Variants in PRSS12 observed in about 807,000 individuals in gnomAD.
The protein encoded by PRSS12 is serine protease 12.
PRSS12 carries 85 observed loss-of-function variants against 104.4 expected under a neutral mutation model. The ratio of observed to expected loss-of-function variants is 0.81; its 90% CI spans 0.68 to 0.98. The LOEUF is 0.98. Ranked by LOEUF, PRSS12 falls within the 50% of genes least tolerant of loss-of-function variation. PRSS12 has a pLI of 0.00. For synonymous variants in PRSS12, 454 were observed against 425.2 expected (o/e 1.07, Z -0.83); for missense variants, 1,141 against 1,139.2 (o/e 1.00, Z -0.02).
At chr4:118,305,114 T>C (rs1743510705) in intron 8 of PRSS12, among the ~76,000 whole-genome samples, 1 of 148,498 alleles carries the variant, frequency 6.7e-6, no homozygotes, top group Non-Finnish European at 1.5e-5. Flanking sequence ...TATATATATA[T>C]ATATATACAC....
chr4:118,320,235 CT>C (rs1245905150), intron 4 of PRSS12, among the ~76,000 whole-genome samples: 1 of 151,924 alleles, frequency 6.6e-6, no homozygotes, highest in Admixed American at 6.6e-5. Context: ...TTTAGCTGCT[CT>C]TTTCTTATAA....
chr4:118,329,928 C>A (rs1723874677), intron 4 of PRSS12, among the ~76,000 whole-genome samples: 1 of 152,138 alleles, frequency 6.6e-6, no homozygotes. Flanking sequence ...GAGAAAATTG[C>A]TCGTGAAATT....
chr4:118,318,661 T>A, intron 4 of PRSS12, 105 bp from the exon 5 acceptor site: 1 of 1,122,700 alleles, frequency 8.9e-7, no homozygotes, highest in Non-Finnish European at 1.3e-6. Flanking sequence ...CCCCACTTAT[T>A]AATTCACTTC....
At chr4:118,306,835 T>G (rs917092508) in intron 8 of PRSS12, among the ~76,000 whole-genome samples, 1 of 152,204 alleles carries the variant, frequency 6.6e-6, no homozygotes, top group Non-Finnish European at 1.5e-5. Context: ...TGAATATGCC[T>G]AGAAAATTTT....
At chr4:118,303,200 G>A (rs907510570) in intron 8 of PRSS12, 12 of 151,354 alleles carry the variant, frequency 7.9e-5, no homozygotes, top group Admixed American at 2.0e-4. Flanking sequence ...AGACCACTGA[G>A]AAAAGATGAA....
intron 7 of PRSS12, 37 bp downstream of exon 7, chr4:118,313,164 G>A (rs1295621844): frequency 2.5e-6 from 4 of 1,607,900 alleles, no homozygotes; most frequent in Non-Finnish European, 3.4e-6. Context: ...AATGGCTACT[G>A]AATGATGGAA....
At chr4:118,342,060 T>C (rs1724227052) in intron 1 of PRSS12, among the ~76,000 whole-genome samples, 1 of 152,162 alleles carries the variant, frequency 6.6e-6, no homozygotes, top group African/African-American at 2.4e-5. Context: ...GCTCCTATAG[T>C]TGACGCAAAT....
intron 3 of PRSS12, among the ~76,000 whole-genome samples, chr4:118,333,635 A>AT (rs982738562): frequency 6.6e-6 from 1 of 152,166 alleles, no homozygotes; most frequent in African/African-American, 2.4e-5. Flanking sequence ...TTCTTAATAT[A>AT]TTTTTCCCCA....
chr4:118,285,350 T>G (rs899235664), intron 11 of PRSS12, among the ~76,000 whole-genome samples: 10 of 152,344 alleles, frequency 6.6e-5, no homozygotes, highest in Middle Eastern at 3.4e-3. Flanking sequence ...TTATTTTCAC[T>G]TCTACTTTCT....
At chr4:118,331,663 T>C (rs1351082177) in intron 4 of PRSS12, 53 bp downstream of exon 4, 2 of 1,610,224 alleles carry the variant, frequency 1.2e-6, no homozygotes, top group East Asian at 2.2e-5. Context: ...CCTTTGGGTA[T>C]GGAAATAATA....
chr4:118,331,608 T>C, intron 4 of PRSS12, 108 bp downstream of exon 4: 1 of 1,437,048 alleles, frequency 7.0e-7, no homozygotes, highest in Non-Finnish European at 9.6e-7. Context: ...AGGTAACTTG[T>C]CCCATTTGTT....
At chr4:118,346,400 TTA>T (rs1724355231) in intron 1 of PRSS12, among the ~76,000 whole-genome samples, 1 of 151,672 alleles carries the variant, frequency 6.6e-6, no homozygotes, top group South Asian at 2.1e-4. Context: ...TCATAATGTA[TTA>T]TATATAAATT....
rs537429145 is a variant in PRSS12 at position 118,298,024 on chromosome 4, G to A, written c.1837+709C>T. Reference sequence around the variant, plus strand: ...GTGGTGGCAGGCGCCTGTAATCCCAGCTACTCGGGAGGCTGAGGCAGGAGA... The same window carrying A: ...GTGGTGGCAGGCGCCTGTAATCCCAACTACTCGGGAGGCTGAGGCAGGAGA... On this transcript the variant is annotated intron_variant, in intron 9 of 12. Transcript: ENST00000296498. Among the ~76,000 whole-genome samples the A allele has an allele frequency of 9.9e-5, 15 of 151,872 alleles. No individual in the cohort carries two copies. In the East Asian group the frequency reaches 2.9e-3, roughly 30 times the overall value.
rs1742933248 is a variant in PRSS12 at position 118,283,197 on chromosome 4, T to C, written c.2040-86A>G. 4.0e-6 allele frequency: 6 copies of C among 1,509,648 alleles called. No homozygotes were observed. In the Admixed American group the frequency reaches 5.0e-5, roughly 13 times the overall value. The allele number at this position is 1,509,648 out of a possible 1,614,324, so 93.5% of individuals were successfully genotyped here. On this transcript the variant is annotated intron_variant, in intron 11 of 12. Coordinates refer to ENST00000296498, the MANE Select transcript of PRSS12 (RefSeq NM_003619.4). ...AGGAAGACTAATGAAGATACAAGCC[T>C]TTCTTCCAAATCATCAGCCCCTTTT... is the stretch of plus-strand genomic sequence containing the variant.
chr4:118,299,808 T>TAAAAA (rs1189816114), intron 8 of PRSS12, among the ~76,000 whole-genome samples: 1 of 91,688 alleles, frequency 1.1e-5, no homozygotes, highest in Non-Finnish European at 2.3e-5. Flanking sequence ...TAAAATAAAA[T>TAAAAA]AAATAAAATA....
chr4:118,335,800 TC>T, intron 2 of PRSS12, 149 bp from the exon 3 acceptor site: 1 of 785,704 alleles, frequency 1.3e-6, no homozygotes, highest in Non-Finnish European at 2.1e-6. Context: ...AAAGACTACA[TC>T]AGTTTCAAGG....
intron 12 of PRSS12, 130 bp from the exon 13 acceptor site, chr4:118,282,373 G>C: frequency 8.4e-7 from 1 of 1,189,268 alleles, no homozygotes; most frequent in Admixed American, 1.8e-5. Flanking sequence ...AATGAGCAAT[G>C]ACTAACTGGT....
chr4:118,294,114 G>C (rs1043711723), intron 11 of PRSS12, among the ~76,000 whole-genome samples: 1 of 152,102 alleles, frequency 6.6e-6, no homozygotes, highest in African/African-American at 2.4e-5. Context: ...AGAAAAAACA[G>C]AAAAATTTCT....
chr4:118,318,706 G>T (rs1299615192), intron 4 of PRSS12, 150 bp from the exon 5 acceptor site: 1 of 870,386 alleles, frequency 1.1e-6, no homozygotes, highest in Non-Finnish European at 1.8e-6. Flanking sequence ...TTTCTTTTTT[G>T]TATATTTGTT....
Sources: gnomAD v4.1 joint callset for allele counts (sites outside exome capture counted in the v4.1 genomes callset) on GRCh38, gnomAD v4.1.1 for gene constraint, MANE v1.5 for transcripts, NCBI Gene and HGNC (gene_info 2026-07-23, HGNC 2026-07-21) for gene names.